The following CNTN5 variants were observed in gnomAD, a reference collection of about 807,000 sequenced individuals.
CNTN5 encodes the protein contactin 5.
CNTN5 carries 77 observed loss-of-function variants against 129.1 expected under a neutral mutation model. That is an observed-to-expected ratio of 0.60 (90% CI 0.50 to 0.72). The LOEUF (loss-of-function observed/expected upper bound fraction) is 0.72, where lower values mean the gene tolerates loss of function less well. Ranked by LOEUF, CNTN5 falls within the 30% of genes least tolerant of loss-of-function variation. The pLI, the probability that CNTN5 is intolerant of heterozygous loss-of-function variation, is 0.00. For missense variants in CNTN5, 1,478 were observed against 1,328.8 expected (o/e 1.11, Z -1.75); for synonymous variants, 509 against 465.6 (o/e 1.09, Z -1.20).
chr11:99,268,482 G>T (rs866830908), intron 1 of CNTN5, among the ~76,000 whole-genome samples: 3 of 151,500 alleles, frequency 2.0e-5, no homozygotes, highest in African/African-American at 4.8e-5. Context: ...AAGCATTATT[G>T]AAAAAATACT....
At chr11:99,344,108 C>T (rs114868994) in intron 2 of CNTN5, among the ~76,000 whole-genome samples, 5 of 152,186 alleles carry the variant, frequency 3.3e-5, no homozygotes, top group Admixed American at 2.6e-4. Flanking sequence ...ATCTCCTCAA[C>T]TTCAAAGTGC....
intron 1 of CNTN5, among the ~76,000 whole-genome samples, chr11:99,149,646 C>G (rs1268439608): frequency 6.6e-6 from 1 of 151,842 alleles, no homozygotes; most frequent in Non-Finnish European, 1.5e-5. Flanking sequence ...TTCTTGATCT[C>G]CTTAAATTTG....
At chr11:99,964,417 A>C (rs1257821387) in intron 8 of CNTN5, among the ~76,000 whole-genome samples, 1 of 152,158 alleles carries the variant, frequency 6.6e-6, no homozygotes, top group African/African-American at 2.4e-5. Flanking sequence ...TGTGATAATC[A>C]TGTGGTTTTT....
At chr11:100,000,169 TA>T (rs1939767870) in intron 8 of CNTN5, among the ~76,000 whole-genome samples, 1 of 149,932 alleles carries the variant, frequency 6.7e-6, no homozygotes, top group African/African-American at 2.5e-5. Context: ...ATAATAAAAA[TA>T]AATAAATAAA....
intron 7 of CNTN5, among the ~76,000 whole-genome samples, chr11:99,954,815 T>G (rs973415196): frequency 2.0e-5 from 3 of 152,286 alleles, no homozygotes; most frequent in Admixed American, 1.3e-4. Context: ...TTTCTACTTT[T>G]TATACTTCTT....
intron 1 of CNTN5, among the ~76,000 whole-genome samples, chr11:99,233,448 A>G (rs772894025): frequency 6.6e-6 from 1 of 152,204 alleles, no homozygotes; most frequent in South Asian, 2.1e-4. Context: ...TACAAATAAC[A>G]TACTGGTATA....
intron 1 of CNTN5, among the ~76,000 whole-genome samples, chr11:99,149,213 T>C (rs1000284685): frequency 2.0e-5 from 3 of 152,004 alleles, no homozygotes; most frequent in African/African-American, 7.2e-5. Context: ...ACCACTGCAG[T>C]GTGTGGGGTT....
chr11:99,518,941 C>G (rs1452938162), intron 2 of CNTN5, among the ~76,000 whole-genome samples: 1 of 152,066 alleles, frequency 6.6e-6, no homozygotes, highest in Non-Finnish European at 1.5e-5. Flanking sequence ...AAGCTCCACC[C>G]TTCTAATTTC....
At chr11:100,089,457 T>G (rs1309046843) in intron 13 of CNTN5, among the ~76,000 whole-genome samples, 1 of 152,124 alleles carries the variant, frequency 6.6e-6, no homozygotes, top group Non-Finnish European at 1.5e-5. Flanking sequence ...ACACTCTTGG[T>G]GAGAATGTAA....
Position 99,592,678 on chromosome 11 carries a change from A to C in CNTN5, c.55+36409A>C, listed in dbSNP as rs1004989064. On this transcript the variant is annotated intron_variant, in intron 3 of 24. Coordinates refer to ENST00000524871, the MANE Select transcript of CNTN5 (RefSeq NM_014361.4). ...AGGGAAAAAAAGGTACCAAGATATA[A>C]GAGTAACTAAGGGGAATGTAAAATT... Among the ~76,000 whole-genome samples the C allele has an allele frequency of 7.2e-5, 11 of 152,222 alleles. 1 individual carries two copies. Among genetic ancestry groups the C allele is most frequent in the Admixed American group, 3.9e-4 (6 of 15,278 alleles).
At chr11:99,497,221 C>G (rs916151519) in intron 2 of CNTN5, among the ~76,000 whole-genome samples, 1 of 152,134 alleles carries the variant, frequency 6.6e-6, no homozygotes, top group Non-Finnish European at 1.5e-5. Flanking sequence ...TAATGCTGGT[C>G]TGTGAAATTT....
At chr11:99,266,796 G>A (rs1258487835) in intron 1 of CNTN5, among the ~76,000 whole-genome samples, 2 of 151,956 alleles carry the variant, frequency 1.3e-5, no homozygotes, top group Admixed American at 1.3e-4. Context: ...AACAAATAAT[G>A]AGGAACAAGT....
intron 6 of CNTN5, among the ~76,000 whole-genome samples, chr11:99,889,328 G>GTGTT (rs1555147179): frequency 3.7e-4 from 12 of 32,760 alleles, no homozygotes; most frequent in African/African-American, 1.6e-3. Context: ...GTGTGTGTGT[G>GTGTT]TGTGTGTGTG....
intron 3 of CNTN5, among the ~76,000 whole-genome samples, chr11:99,587,690 T>C (rs1949843664): frequency 6.6e-6 from 1 of 152,004 alleles, no homozygotes; most frequent in African/African-American, 2.4e-5. Context: ...AAAGATTTGA[T>C]AAAGGAAAAT....
chr11:99,091,805 T>C (rs575925175), intron 1 of CNTN5, among the ~76,000 whole-genome samples: 28 of 152,048 alleles, frequency 1.8e-4, no homozygotes, highest in Non-Finnish European at 3.5e-4. Flanking sequence ...TGATATAGAA[T>C]AGAGCAGAGG....
chr11:99,747,901 G>C (rs896020280), intron 3 of CNTN5, among the ~76,000 whole-genome samples: 1 of 152,106 alleles, frequency 6.6e-6, no homozygotes, highest in Non-Finnish European at 1.5e-5. Context: ...ATATCTAATT[G>C]TTTGAGAGTT....
intron 2 of CNTN5, among the ~76,000 whole-genome samples, chr11:99,365,079 A>G (rs1407624355): frequency 6.6e-6 from 1 of 152,154 alleles, no homozygotes; most frequent in Admixed American, 6.6e-5. Context: ...GCCAAGTGAC[A>G]TGAAAGTTAA....
intron 13 of CNTN5, among the ~76,000 whole-genome samples, chr11:100,157,092 T>A (rs1166334908): frequency 1.3e-5 from 2 of 151,886 alleles, no homozygotes. Flanking sequence ...ATTAGGGTGT[T>A]GATTTTAGAT....
intron 9 of CNTN5, among the ~76,000 whole-genome samples, chr11:100,040,478 C>G (rs914415061): frequency 7.2e-5 from 11 of 152,196 alleles, no homozygotes; most frequent in Non-Finnish European, 2.9e-5. Context: ...CTGGGAGAAG[C>G]ACTGCTCTCT....
Sources: allele counts gnomAD v4.1 joint callset (sites outside exome capture counted in the v4.1 genomes callset), GRCh38; gene constraint gnomAD v4.1.1; transcripts MANE v1.5; gene names NCBI Gene and HGNC (gene_info 2026-07-23, HGNC 2026-07-21).